CCDC146: variants seen among roughly 807,000 people sequenced by gnomAD.
The protein encoded by CCDC146 is coiled-coil domain-containing protein 146.
Under a neutral mutation model 119.3 loss-of-function variants are expected in CCDC146, and 92 were observed. The observed-to-expected ratio is 0.77, with a 90% confidence interval of 0.65 to 0.92. The LOEUF (loss-of-function observed/expected upper bound fraction) is 0.92, where lower values mean the gene tolerates loss of function less well. Ranked by LOEUF, CCDC146 falls within the 40% of genes least tolerant of loss-of-function variation. CCDC146 has a pLI of 0.00. For missense variants in CCDC146, 1,000 were observed against 1,103.0 expected (o/e 0.91, Z 1.32); for synonymous variants, 372 against 371.8 (o/e 1.00, Z -0.01).
rs138354674 is a variant in CCDC146 at position 77,238,600 on chromosome 7, G to A, written c.239+1571G>A. Among the ~76,000 whole-genome samples the A allele has an allele frequency of 7.2e-3, 1,091 of 152,214 alleles. 8 individuals are homozygous for A. Among genetic ancestry groups the A allele is most frequent in the Non-Finnish European group, 9.9e-3 (671 of 67,992 alleles). On this transcript the variant is annotated intron_variant, in intron 3 of 18. Transcript: ENST00000285871. ...CCCAGCTAATTTTTTTGTATTTTTA[G>A]TAGAGATGGGGTTTCACTGGGTTAG...
intron 1 of CCDC146, among the ~76,000 whole-genome samples, chr7:77,150,311 G>C (rs899062482): frequency 6.6e-6 from 1 of 152,016 alleles, no homozygotes; most frequent in African/African-American, 2.4e-5. Context: ...AACATATCTG[G>C]TAAAGGATTT....
intron 5 of CCDC146, 122 bp downstream of exon 5, chr7:77,254,685 A>C (rs747353683): frequency 2.0e-5 from 11 of 543,932 alleles, no homozygotes; most frequent in Non-Finnish European, 3.6e-5. Flanking sequence ...TAAAGTCTTA[A>C]CTGTGAATGA....
chr7:77,286,588 G>A (rs7798960), intron 15 of CCDC146, among the ~76,000 whole-genome samples: 17,201 of 152,030 alleles, frequency 0.11, 1,095 homozygotes, highest in African/African-American at 0.16. Context: ...TCATATGATC[G>A]AATTATAGAC....
At chr7:77,165,709 G>C (rs993216681) in intron 1 of CCDC146, among the ~76,000 whole-genome samples, 18 of 152,244 alleles carry the variant, frequency 1.2e-4, no homozygotes, top group African/African-American at 4.1e-4. Context: ...ACCATGGGAG[G>C]CTGGTCCCCA....
At chr7:77,199,615 C>T (rs1791946157) in intron 2 of CCDC146, 21 of 1,614,160 alleles carry the variant, frequency 1.3e-5, no homozygotes, top group Non-Finnish European at 1.8e-5. Context: ...GGGGGGCAGG[C>T]TTACCTGGTA....
chr7:77,257,303 G>GA (rs931790155), intron 6 of CCDC146: 1 of 152,076 alleles, frequency 6.6e-6, no homozygotes, highest in South Asian at 2.1e-4. Context: ...ATTTTACTTT[G>GA]AAAAATGTAT....
chr7:77,271,300 T>G (rs1002670588), intron 9 of CCDC146, among the ~76,000 whole-genome samples: 1 of 151,252 alleles, frequency 6.6e-6, no homozygotes, highest in African/African-American at 2.4e-5. Context: ...GAGACCGGCC[T>G]AGCCTCCCAG....
Position 77,196,698 on chromosome 7 carries a change from TCA to T in CCDC146, c.156+28875_156+28876del. 1 of 1,614,218 alleles carries T rather than the reference TCA, an allele frequency of 6.2e-7. No individual in the cohort carries two copies. The highest frequency in any genetic ancestry group is 1.6e-4 in the Middle Eastern group (1 of 6,062). On this transcript the variant is annotated intron_variant, in intron 2 of 18. Coordinates refer to ENST00000285871, the MANE Select transcript of CCDC146 (RefSeq NM_020879.3). The surrounding 1 kb of genome is among the most constrained non-coding windows in gnomAD (Gnocchi z 4.2). ...CCATTAAAGTCTTCAAGATCTATTCTCAGAATCATTTCCTTACTCTTGGTCAG... is the reference window on the plus strand; with the variant it reads ...CCATTAAAGTCTTCAAGATCTATTCTGAATCATTTCCTTACTCTTGGTCAG...
intron 1 of CCDC146, among the ~76,000 whole-genome samples, chr7:77,156,889 T>G (rs1042737535): frequency 1.0e-4 from 15 of 150,592 alleles, no homozygotes; most frequent in Non-Finnish European, 1.5e-4. Context: ...TTATGTTATC[T>G]CCAAAAGATA....
chr7:77,155,502 A>G (rs1342013977), intron 1 of CCDC146, among the ~76,000 whole-genome samples: 1 of 151,814 alleles, frequency 6.6e-6, no homozygotes, highest in Non-Finnish European at 1.5e-5. Flanking sequence ...GACCACAGAG[A>G]GTCTTGTATG....
chr7:77,170,351 T>TAA (rs34052735), intron 2 of CCDC146, among the ~76,000 whole-genome samples: 2 of 152,100 alleles, frequency 1.3e-5, no homozygotes, highest in Admixed American at 1.3e-4. Flanking sequence ...TGTATATATA[T>TAA]AACACACTTT....
At chr7:77,182,529 T>C (rs1204885671) in intron 2 of CCDC146, among the ~76,000 whole-genome samples, 1 of 152,088 alleles carries the variant, frequency 6.6e-6, no homozygotes, top group Admixed American at 6.5e-5. Context: ...CCCAGCACTT[T>C]GGAAGGCCCA....
rs149766128 is a variant in CCDC146 at position 77,192,653 on chromosome 7, G to A, written c.156+24829G>A. ...AAATAAGGCATTGTTGGCCGGGCAC[G>A]GTGGCTAATGCCTGTAATCCCAGCA... On this transcript the variant is annotated intron_variant, in intron 2 of 18. Coordinates refer to ENST00000285871, the MANE Select transcript of CCDC146 (RefSeq NM_020879.3). Among the ~76,000 whole-genome samples, 343 of 152,296 alleles carry A rather than the reference G, an allele frequency of 2.3e-3. 2 individuals are homozygous for A. Among genetic ancestry groups the A allele is most frequent in the African/African-American group, 7.3e-3 (304 of 41,556 alleles).
chr7:77,148,398 G>A (rs1320105747), intron 1 of CCDC146, among the ~76,000 whole-genome samples: 3 of 151,998 alleles, frequency 2.0e-5, no homozygotes, highest in African/African-American at 4.8e-5. Context: ...CTCACACTTG[G>A]TGGGCTTCAC....
intron 14 of CCDC146, chr7:77,282,331 C>T (rs1302719105): frequency 2.3e-6 from 1 of 442,998 alleles, no homozygotes; most frequent in Admixed American, 3.9e-5. Context: ...GGCTAGCCAA[C>T]CACATGGTCA....
intron 11 of CCDC146, among the ~76,000 whole-genome samples, chr7:77,278,159 A>T (rs1272938857): frequency 6.6e-6 from 1 of 152,140 alleles, no homozygotes; most frequent in African/African-American, 2.4e-5. Flanking sequence ...CTTACTAGGA[A>T]TCCTCTTCTC....
At chr7:77,228,790 C>CT (rs35068660) in intron 2 of CCDC146, among the ~76,000 whole-genome samples, 1 of 152,184 alleles carries the variant, frequency 6.6e-6, no homozygotes, top group Non-Finnish European at 1.5e-5. Flanking sequence ...ATAAGCATTC[C>CT]TTTTTCTCCA....
At chr7:77,192,139 C>T (rs1484704879) in intron 2 of CCDC146, among the ~76,000 whole-genome samples, 1 of 151,946 alleles carries the variant, frequency 6.6e-6, no homozygotes, top group Non-Finnish European at 1.5e-5. Context: ...GTTGGCCAGG[C>T]TGGTCTCACG....
intron 1 of CCDC146, among the ~76,000 whole-genome samples, chr7:77,139,824 A>G (rs1194581716): frequency 6.6e-6 from 1 of 152,074 alleles, no homozygotes; most frequent in Non-Finnish European, 1.5e-5. Context: ...TTACAAAGTT[A>G]TAGGATACAA....
Sources: gnomAD v4.1 joint callset for allele counts (sites outside exome capture counted in the v4.1 genomes callset) on GRCh38, gnomAD v4.1.1 for gene constraint, Gnocchi (gnomAD v3.1) non-coding constraint, MANE v1.5 for transcripts, NCBI Gene and HGNC (gene_info 2026-07-23, HGNC 2026-07-21) for gene names.